AGMO: variants seen among roughly 807,000 people sequenced by gnomAD.
AGMO encodes alkylglycerol monooxygenase.
In AGMO, 75 loss-of-function variants were observed where a neutral mutation model predicts 60.2. The observed-to-expected ratio is 1.25, with a 90% CI of 1.03 to 1.51. The LOEUF (loss-of-function observed/expected upper bound fraction) is 1.51. Among genes scored for constraint, AGMO ranks in the 40% most tolerant of loss-of-function variants. The probability of loss-of-function intolerance (pLI) is 0.00; values close to 1 mark genes in which losing one functional copy is unlikely to be tolerated. For synonymous variants in AGMO, 261 were observed against 177.1 expected (o/e 1.47, Z -3.76); for missense variants, 763 against 525.5 (o/e 1.45, Z -4.42).
chr7:15,377,555 ATGAG>A (rs1196808434), intron 10 of AGMO, among the ~76,000 whole-genome samples: 1 of 152,096 alleles, frequency 6.6e-6, no homozygotes, highest in African/African-American at 2.4e-5. Flanking sequence ...ATAGCTTAAA[ATGAG>A]TAAGTCTCCA....
At chr7:15,373,738 T>C (rs1054302120) in intron 10 of AGMO, among the ~76,000 whole-genome samples, 5 of 152,190 alleles carry the variant, frequency 3.3e-5, no homozygotes, top group African/African-American at 9.7e-5. Context: ...CAAAGATGAT[T>C]TGATAATATT....
chr7:15,423,964 C>T (rs530629289), intron 4 of AGMO, among the ~76,000 whole-genome samples: 3 of 152,300 alleles, frequency 2.0e-5, no homozygotes, highest in African/African-American at 7.2e-5. Context: ...GAAATTAATA[C>T]ACATGCCATA....
intron 3 of AGMO, among the ~76,000 whole-genome samples, chr7:15,487,591 G>A (rs1782955540): frequency 6.6e-6 from 1 of 151,988 alleles, no homozygotes; most frequent in African/African-American, 2.4e-5. Context: ...ATGTTTAAAT[G>A]TTTCAAACTC....
Position 15,387,406 on chromosome 7 carries a change from C to G in AGMO, c.957G>C (p.Glu319Asp). Residue 319 changes from glutamate to aspartate, a missense_variant and splice_region_variant, in exon 9 of 13, where the codon GAG (glutamate) becomes GAC (aspartate). Transcript: ENST00000342526. ...PRLGLSEEIP[E>D]VTGKEVPFSS... is the part of the protein sequence containing the mutation. The stretch of plus-strand genomic sequence containing the variant: ...CTCCAATTCTGTGAACTCTATTTAC[C>G]TCTGGAATTTCTTCACTGAGACCAA... The G allele has an allele frequency of 6.2e-7, 1 of 1,612,868 alleles. No individual in the cohort carries two copies. The highest frequency in any genetic ancestry group is 1.1e-5 in the South Asian group (1 of 90,958).
chr7:15,312,338 A>C (rs1012527085), intron 12 of AGMO, among the ~76,000 whole-genome samples: 5 of 152,144 alleles, frequency 3.3e-5, no homozygotes, highest in African/African-American at 1.2e-4. Flanking sequence ...AAAACAACAA[A>C]ACACTAAAGA....
intron 10 of AGMO, among the ~76,000 whole-genome samples, chr7:15,377,787 AATAT>A (rs1429070037): frequency 6.6e-6 from 1 of 152,000 alleles, no homozygotes; most frequent in Non-Finnish European, 1.5e-5. Flanking sequence ...ATATTAAGTT[AATAT>A]ATTAAACAAA....
chr7:15,195,091 G>A, the AGMO span, among the ~76,000 whole-genome samples: 1 of 152,106 alleles, frequency 6.6e-6, no homozygotes, highest in Admixed American at 6.5e-5. Flanking sequence ...CCTTCAGTGA[G>A]CACACATACC....
intron 5 of AGMO, among the ~76,000 whole-genome samples, chr7:15,406,994 A>C (rs1309045105): frequency 6.9e-6 from 1 of 144,952 alleles, no homozygotes; most frequent in African/African-American, 2.5e-5. Flanking sequence ...GTGTGTGTAT[A>C]TATATGGAAT....
chr7:15,214,210 T>C (rs919911566), intron 12 of AGMO, among the ~76,000 whole-genome samples: 3 of 151,926 alleles, frequency 2.0e-5, no homozygotes, highest in Admixed American at 6.6e-5. Context: ...TATTAAATAT[T>C]GAATAAGAGA....
chr7:15,326,511 C>A (rs1781343637), intron 12 of AGMO, among the ~76,000 whole-genome samples: 1 of 152,094 alleles, frequency 6.6e-6, no homozygotes, highest in Admixed American at 6.6e-5. Context: ...TTGGGAAGGC[C>A]TCTCAAGGAT....
chr7:15,133,551 A>G, the AGMO span, among the ~76,000 whole-genome samples: 11 of 152,170 alleles, frequency 7.2e-5, no homozygotes, highest in Admixed American at 7.2e-4. Flanking sequence ...GAGGCAAGTC[A>G]GTGGCATCAA....
chr7:15,522,284 T>A (rs1312210950), intron 3 of AGMO, among the ~76,000 whole-genome samples: 1 of 152,178 alleles, frequency 6.6e-6, no homozygotes, highest in East Asian at 1.9e-4. Context: ...CCAAAGTAAT[T>A]TATAGATTCA....
At chr7:15,316,138 C>T (rs1780917422) in intron 12 of AGMO, among the ~76,000 whole-genome samples, 1 of 152,148 alleles carries the variant, frequency 6.6e-6, no homozygotes, top group African/African-American at 2.4e-5. Context: ...AACACTTGTG[C>T]CCATTGCATC....
At chr7:15,145,117 T>A in the AGMO span, among the ~76,000 whole-genome samples, 1 of 152,190 alleles carries the variant, frequency 6.6e-6, no homozygotes, top group Non-Finnish European at 1.5e-5. Context: ...CGTGAGCCGC[T>A]GCGCCCGGCC....
chr7:15,135,278 C>G, the AGMO span, among the ~76,000 whole-genome samples: 1 of 151,886 alleles, frequency 6.6e-6, no homozygotes, highest in Admixed American at 6.6e-5. Flanking sequence ...AACAAAGACT[C>G]ATTCTGAAAA....
At chr7:15,214,352 A>G (rs1050773980) in intron 12 of AGMO, among the ~76,000 whole-genome samples, 1 of 152,074 alleles carries the variant, frequency 6.6e-6, no homozygotes, top group African/African-American at 2.4e-5. Context: ...GCTAAGTAAA[A>G]GCAAAAGAGA....
chr7:15,498,775 T>A (rs1339330389), intron 3 of AGMO, among the ~76,000 whole-genome samples: 1 of 151,994 alleles, frequency 6.6e-6, no homozygotes, highest in Non-Finnish European at 1.5e-5. Flanking sequence ...TTCTGTTTTA[T>A]TGTGTTTTCA....
chr7:15,300,079 T>C (rs527675573), intron 12 of AGMO, among the ~76,000 whole-genome samples: 6 of 151,510 alleles, frequency 4.0e-5, no homozygotes, highest in African/African-American at 9.7e-5. Flanking sequence ...GGAGGAAAAA[T>C]AGAATTGGAA....
At chr7:15,362,510 T>C (rs998640571) in intron 12 of AGMO, among the ~76,000 whole-genome samples, 1 of 152,198 alleles carries the variant, frequency 6.6e-6, no homozygotes, top group African/African-American at 2.4e-5. Context: ...CTTCCTATGT[T>C]CTCTCCTTTG....
Sources: gnomAD v4.1 joint callset for allele counts (sites outside exome capture counted in the v4.1 genomes callset) on GRCh38, gnomAD v4.1.1 for gene constraint, MANE v1.5 for transcripts, NCBI Gene and HGNC (gene_info 2026-07-23, HGNC 2026-07-21) for gene names.